The following SETBP1 variants were observed in gnomAD, a reference collection of about 807,000 sequenced individuals.
The protein encoded by SETBP1 is SET-binding protein.
Under a neutral mutation model 101.0 loss-of-function variants are expected in SETBP1, and 9 were observed. That is an observed-to-expected ratio of 0.09 (90% CI 0.05 to 0.16). The LOEUF (loss-of-function observed/expected upper bound fraction) is 0.16, where lower values mean the gene tolerates loss of function less well. SETBP1 is among the 10% of genes least tolerant of loss of function. The probability of loss-of-function intolerance (pLI) is 1.00; values close to 1 mark genes in which losing one functional copy is unlikely to be tolerated. For synonymous variants in SETBP1, 818 were observed against 788.5 expected (o/e 1.04, Z -0.63); for missense variants, 1,858 against 2,033.8 (o/e 0.91, Z 1.66).
chr18:44,834,702 T>C (rs2072457926), intron 2 of SETBP1, among the ~76,000 whole-genome samples: 1 of 152,200 alleles, frequency 6.6e-6, no homozygotes, highest in Non-Finnish European at 1.5e-5. Context: ...AGGACTGAGA[T>C]TCAGAGATGA....
intron 3 of SETBP1, chr18:44,877,364 A>G (rs2069430608): frequency 1.0e-6 from 1 of 973,198 alleles, no homozygotes; most frequent in Non-Finnish European, 1.2e-6. Flanking sequence ...GCTCTGTTCT[A>G]GTTAACCAAC....
intron 4 of SETBP1, among the ~76,000 whole-genome samples, chr18:45,005,094 ACAAGAGAGATGC>A (rs2145351130): frequency 6.6e-6 from 1 of 152,352 alleles, no homozygotes; most frequent in Admixed American, 6.5e-5. Flanking sequence ...TAATATTATG[ACAAGAGAGATGC>A]CAACCATCAT....
intron 3 of SETBP1, among the ~76,000 whole-genome samples, chr18:44,917,268 G>C (rs1196949476): frequency 6.6e-6 from 1 of 152,162 alleles, no homozygotes; most frequent in Non-Finnish European, 1.5e-5. Context: ...AAACGAAAAG[G>C]TGGTGAGTCT....
Position 44,842,460 on chromosome 18 carries a change from C to G in SETBP1, c.487-26770C>G, listed in dbSNP as rs79355546. Among the ~76,000 whole-genome samples, 6 of 152,340 alleles carry G rather than the reference C, an allele frequency of 3.9e-5. No homozygotes were observed. In the East Asian group the frequency reaches 1.2e-3, roughly 29 times the overall value. ...GCTTCACTCTTCCCAGCCCTGCTCCCTGGGGACAGCTTTACTACAAGGTGG... is the reference window on the plus strand; with the variant it reads ...GCTTCACTCTTCCCAGCCCTGCTCCGTGGGGACAGCTTTACTACAAGGTGG... On this transcript the variant is annotated intron_variant, in intron 2 of 5. Transcript: ENST00000649279.
chr18:44,782,274 T>G (rs182704435), intron 2 of SETBP1, among the ~76,000 whole-genome samples: 1 of 152,010 alleles, frequency 6.6e-6, no homozygotes. Context: ...CACACCCTGA[T>G]AAGGATTTCC....
chr18:44,774,840 A>G (rs552594820), intron 2 of SETBP1, among the ~76,000 whole-genome samples: 6 of 151,938 alleles, frequency 3.9e-5, no homozygotes, highest in African/African-American at 1.4e-4. Context: ...TCTCAATTTG[A>G]GTGAGTTACA....
intron 2 of SETBP1, among the ~76,000 whole-genome samples, chr18:44,723,814 C>A (rs1599035453): frequency 6.6e-6 from 1 of 152,082 alleles, no homozygotes; most frequent in South Asian, 2.1e-4. Flanking sequence ...ACTGGCCTGA[C>A]ATGAAAGCTT....
chr18:44,729,822 G>A (rs565512298), intron 2 of SETBP1, among the ~76,000 whole-genome samples: 4 of 152,336 alleles, frequency 2.6e-5, no homozygotes, highest in South Asian at 4.1e-4. Context: ...TGCAAAGAGT[G>A]GTCTGGCTAG....
At chr18:44,714,654 A>G (rs955399278) in intron 2 of SETBP1, among the ~76,000 whole-genome samples, 1 of 151,750 alleles carries the variant, frequency 6.6e-6, no homozygotes, top group African/African-American at 2.4e-5. Context: ...TCTCCTATCC[A>G]GATATACTGT....
chr18:44,802,189 T>G (rs2071621276), intron 2 of SETBP1, among the ~76,000 whole-genome samples: 2 of 152,202 alleles, frequency 1.3e-5, no homozygotes, highest in South Asian at 4.1e-4. Flanking sequence ...CCCTGAATCT[T>G]TTTCTGAAAC....
At chr18:44,687,661 G>A (rs1363768025) in intron 1 of SETBP1, among the ~76,000 whole-genome samples, 2 of 152,142 alleles carry the variant, frequency 1.3e-5, no homozygotes, top group Non-Finnish European at 2.9e-5. Context: ...CAAGGGAGAT[G>A]GAACAGACAA....
At chr18:45,047,922 T>A (rs1322738546) in intron 5 of SETBP1, among the ~76,000 whole-genome samples, 2 of 152,144 alleles carry the variant, frequency 1.3e-5, no homozygotes, top group African/African-American at 4.8e-5. Context: ...ACTGGAGTCA[T>A]CCCAACATAT....
At chr18:44,735,066 A>G (rs1383777120) in intron 2 of SETBP1, among the ~76,000 whole-genome samples, 2 of 152,252 alleles carry the variant, frequency 1.3e-5, no homozygotes, top group Non-Finnish European at 2.9e-5. Context: ...TCACTAATAT[A>G]ATATTGTAAA....
intron 3 of SETBP1, among the ~76,000 whole-genome samples, chr18:44,912,181 A>G (rs2070325409): frequency 6.6e-6 from 1 of 152,076 alleles, no homozygotes; most frequent in Admixed American, 6.5e-5. Context: ...AACATTTATT[A>G]TTTGATAAAT....
At chr18:44,705,961 T>C (rs1357073201) in intron 2 of SETBP1, among the ~76,000 whole-genome samples, 1 of 152,142 alleles carries the variant, frequency 6.6e-6, no homozygotes, top group East Asian at 1.9e-4. Context: ...TTCTCTTTCA[T>C]ATAAAACTAG....
At chr18:44,954,147 G>T (rs970044064) in intron 4 of SETBP1, among the ~76,000 whole-genome samples, 1 of 152,110 alleles carries the variant, frequency 6.6e-6, no homozygotes, top group Non-Finnish European at 1.5e-5. Flanking sequence ...GTTGCTGGCA[G>T]AATTCCCTTG....
chr18:44,751,186 G>A (rs1364382691), intron 2 of SETBP1, among the ~76,000 whole-genome samples: 1 of 152,216 alleles, frequency 6.6e-6, no homozygotes, highest in African/African-American at 2.4e-5. Context: ...GGAGGAGAAA[G>A]AAGCAGGAAG....
intron 2 of SETBP1, among the ~76,000 whole-genome samples, chr18:44,787,452 C>T (rs1009369379): frequency 7.9e-5 from 12 of 152,040 alleles, no homozygotes; most frequent in African/African-American, 2.7e-4. Flanking sequence ...AGCAGGCGCT[C>T]TTCATTTTAT....
At chr18:44,872,830 G>A (rs2069309638) in intron 3 of SETBP1, among the ~76,000 whole-genome samples, 1 of 152,250 alleles carries the variant, frequency 6.6e-6, no homozygotes, top group Non-Finnish European at 1.5e-5. Context: ...TGCATGCCCA[G>A]CCACAGTGGT....
Sources: gnomAD v4.1 joint callset for allele counts (sites outside exome capture counted in the v4.1 genomes callset) on GRCh38, gnomAD v4.1.1 for gene constraint, MANE v1.5 for transcripts, NCBI Gene and HGNC (gene_info 2026-07-23, HGNC 2026-07-21) for gene names.